MAP2: variants seen among roughly 807,000 people sequenced by gnomAD.
MAP2 encodes microtubule-associated protein 2.
A neutral mutation model predicts 137.6 loss-of-function variants in MAP2; 14 were observed. The ratio of observed to expected loss-of-function variants is 0.10; its 90% CI spans 0.07 to 0.16. The LOEUF is 0.16. Ranked by LOEUF, MAP2 falls within the 10% of genes least tolerant of loss-of-function variation. The pLI is 1.00. For missense variants in MAP2, 2,088 were observed against 2,191.5 expected (o/e 0.95, Z 0.94); for synonymous variants, 786 against 782.3 (o/e 1.00, Z -0.08).
chr2:209,440,122 T>C (rs149697462), intron 1 of MAP2, among the ~76,000 whole-genome samples: 2 of 151,676 alleles, frequency 1.3e-5, no homozygotes, highest in African/African-American at 2.4e-5. Flanking sequence ...AGTCACTACA[T>C]AATTTTTGTT....
intron 3 of MAP2, among the ~76,000 whole-genome samples, chr2:209,603,919 C>G (rs2083783846): frequency 6.6e-6 from 1 of 152,058 alleles, no homozygotes; most frequent in South Asian, 2.1e-4. Flanking sequence ...CCACAGTGTC[C>G]TACTTTTGCT....
At chr2:209,582,783 G>A (rs184712498) in intron 3 of MAP2, among the ~76,000 whole-genome samples, 1 of 152,172 alleles carries the variant, frequency 6.6e-6, no homozygotes, top group East Asian at 1.9e-4. Context: ...CTTTCTTGCT[G>A]TCATTTATTT....
chr2:209,660,278 C>T lies in MAP2; in HGVS notation c.262+6846C>T, dbSNP rs184452656. Among the ~76,000 whole-genome samples, 7 of 152,002 alleles carry T rather than the reference C, an allele frequency of 4.6e-5. No individual in the cohort carries two copies. In the East Asian group the frequency reaches 1.4e-3, roughly 29 times the overall value. The stretch of plus-strand genomic sequence containing the variant: ...TGCGTTGTCACTTTTTCAGGGAGCT[C>T]ACCATGGGAGCTATGTCTTATAAAA... On this transcript the variant is annotated intron_variant, in intron 5 of 15. Transcript: ENST00000682079.
intron 1 of MAP2, among the ~76,000 whole-genome samples, chr2:209,426,057 G>A (rs1310672009): frequency 6.6e-6 from 1 of 152,100 alleles, no homozygotes; most frequent in Non-Finnish European, 1.5e-5. Flanking sequence ...TGTTTATGTT[G>A]ATTTCCTGGT....
intron 3 of MAP2, among the ~76,000 whole-genome samples, chr2:209,620,736 C>G (rs1247569195): frequency 6.6e-6 from 1 of 152,144 alleles, no homozygotes; most frequent in Non-Finnish European, 1.5e-5. Context: ...TCTTCAATAG[C>G]TAAAATATTG....
At chr2:209,663,754 T>G (rs1015080311) in intron 5 of MAP2, among the ~76,000 whole-genome samples, 2 of 152,218 alleles carry the variant, frequency 1.3e-5, no homozygotes, top group South Asian at 4.1e-4. Flanking sequence ...GTCAAAGTGA[T>G]GCTGGCATAT....
At chr2:209,549,793 C>T (rs1201710623) in intron 2 of MAP2, among the ~76,000 whole-genome samples, 2 of 152,146 alleles carry the variant, frequency 1.3e-5, no homozygotes, top group Non-Finnish European at 2.9e-5. Context: ...TTAGCAATCA[C>T]TTTGCGGTAA....
At chr2:209,583,143 G>GTCTATCTATCTA (rs752715711) in intron 3 of MAP2, among the ~76,000 whole-genome samples, 6,240 of 93,766 alleles carry the variant, frequency 0.067, 182 homozygotes, top group African/African-American at 0.13. Flanking sequence ...CCATCTGTCT[G>GTCTATCTATCTA]TCTGTCTATC....
At chr2:209,662,017 G>C (rs1442618308) in intron 5 of MAP2, among the ~76,000 whole-genome samples, 1 of 152,150 alleles carries the variant, frequency 6.6e-6, no homozygotes, top group Non-Finnish European at 1.5e-5. Context: ...CCAGTCTTAA[G>C]GTAGGATGAG....
chr2:209,582,663 A>ATAGT (rs2076726009), intron 3 of MAP2, among the ~76,000 whole-genome samples: 1 of 24,186 alleles, frequency 4.1e-5, no homozygotes, highest in Non-Finnish European at 9.4e-4. Flanking sequence ...TAGATGATAG[A>ATAGT]TAGATAGATA....
intron 4 of MAP2, among the ~76,000 whole-genome samples, chr2:209,640,880 CT>C (rs71043944): frequency 0.015 from 2,026 of 137,334 alleles, 36 homozygotes; most frequent in African/African-American, 0.051. Flanking sequence ...ATTATCTATT[CT>C]TTTTTTTTTT....
chr2:209,637,882 T>A (rs900871878), intron 4 of MAP2, among the ~76,000 whole-genome samples: 6 of 152,158 alleles, frequency 3.9e-5, no homozygotes, highest in Non-Finnish European at 7.4e-5. Flanking sequence ...ATAATTTTTT[T>A]AAATTCACTC....
chr2:209,471,893 A>C (rs1705819305), intron 1 of MAP2, among the ~76,000 whole-genome samples: 1 of 152,136 alleles, frequency 6.6e-6, no homozygotes, highest in African/African-American at 2.4e-5. Context: ...GGACATGAAA[A>C]TGAGATATTG....
chr2:209,724,141 A>G (rs1259542452), intron 13 of MAP2, among the ~76,000 whole-genome samples: 1 of 152,224 alleles, frequency 6.6e-6, no homozygotes, highest in Non-Finnish European at 1.5e-5. Context: ...TCAGTGGTTC[A>G]TTATTCATGA....
chr2:209,557,431 G>GT (rs995894305), intron 2 of MAP2, among the ~76,000 whole-genome samples: 2 of 152,082 alleles, frequency 1.3e-5, no homozygotes, highest in African/African-American at 4.8e-5. Flanking sequence ...TTTTTTCCCT[G>GT]TTTAAGCTGC....
intron 2 of MAP2, among the ~76,000 whole-genome samples, chr2:209,552,931 A>G (rs956114508): frequency 6.6e-6 from 1 of 152,204 alleles, no homozygotes; most frequent in Non-Finnish European, 1.5e-5. Flanking sequence ...TAGCTGGGAA[A>G]AATATTAAGA....
chr2:209,663,550 T>G (rs987894471), intron 5 of MAP2, among the ~76,000 whole-genome samples: 1 of 152,188 alleles, frequency 6.6e-6, no homozygotes, highest in Non-Finnish European at 1.5e-5. Flanking sequence ...CTTTTAACAA[T>G]TTTTGCAAAT....
chr2:209,511,668 T>C (rs1468611210), intron 2 of MAP2, among the ~76,000 whole-genome samples: 1 of 152,046 alleles, frequency 6.6e-6, no homozygotes, highest in Non-Finnish European at 1.5e-5. Context: ...ACCCTTGGGC[T>C]CAAGTTGTCC....
chr2:209,716,550 A>G (rs1023699966), intron 13 of MAP2, among the ~76,000 whole-genome samples: 8 of 152,174 alleles, frequency 5.3e-5, no homozygotes, highest in Non-Finnish European at 1.2e-4. Context: ...TTTTTAGCTC[A>G]TCAGCTATGA....
Sources: allele counts gnomAD v4.1 joint callset (sites outside exome capture counted in the v4.1 genomes callset), GRCh38; gene constraint gnomAD v4.1.1; transcripts MANE v1.5; gene names NCBI Gene and HGNC (gene_info 2026-07-23, HGNC 2026-07-21).